Variants in RBFOX1 observed in about 807,000 individuals in gnomAD.
RBFOX1 encodes RNA binding protein fox-1 homolog 1.
In RBFOX1, 8 loss-of-function variants were observed where a neutral mutation model predicts 57.7. The observed-to-expected ratio is 0.14, with a 90% CI of 0.08 to 0.25. The LOEUF (loss-of-function observed/expected upper bound fraction) is 0.25. Among genes scored for constraint, RBFOX1 ranks in the 10% least tolerant of loss-of-function variants. The pLI is 1.00. For synonymous variants in RBFOX1, 326 were observed against 222.4 expected (o/e 1.47, Z -4.15); for missense variants, 611 against 548.5 (o/e 1.11, Z -1.14).
At chr16:7,552,103 C>G (rs2086730967) in intron 5 of RBFOX1, among the ~76,000 whole-genome samples, 1 of 152,194 alleles carries the variant, frequency 6.6e-6, no homozygotes, top group African/African-American at 2.4e-5. Context: ...ATCTCATTCT[C>G]TCCACCACCC....
In RBFOX1 at chr16:5,964,613, A is replaced by C. The variant is rs1260291498; in HGVS notation, c.351+97278A>C. Among the ~76,000 whole-genome samples, 3 of 152,110 alleles carry C rather than the reference A, an allele frequency of 2.0e-5. No homozygotes were observed. In the South Asian group the frequency reaches 6.2e-4, roughly 31 times the overall value. Reference sequence around the variant, plus strand: ...TGCATCTATATCTATGTATATATATATCTCACATATACCATATACACATAT... The same window carrying C: ...TGCATCTATATCTATGTATATATATCTCTCACATATACCATATACACATAT... On this transcript the variant is annotated intron_variant, in intron 4 of 19. Coordinates refer to the RBFOX1 transcript ENST00000641259.
intron 4 of RBFOX1, among the ~76,000 whole-genome samples, chr16:7,423,930 C>G (rs559061169): frequency 2.0e-5 from 3 of 152,272 alleles, no homozygotes; most frequent in South Asian, 2.1e-4. Context: ...GTTTTAATCC[C>G]AAGAAGTCAC....
At chr16:7,705,675 A>T (rs960442163) in intron 14 of RBFOX1, among the ~76,000 whole-genome samples, 1 of 152,202 alleles carries the variant, frequency 6.6e-6, no homozygotes, top group Non-Finnish European at 1.5e-5. Flanking sequence ...GATTAGATTT[A>T]TATTTAAGTG....
At chr16:7,624,654 T>G (rs1332940287) in intron 10 of RBFOX1, among the ~76,000 whole-genome samples, 1 of 152,218 alleles carries the variant, frequency 6.6e-6, no homozygotes, top group Non-Finnish European at 1.5e-5. Context: ...GAGGGACTAA[T>G]AAGCACTTGT....
At chr16:6,588,624 T>C (rs1404368462) in intron 2 of RBFOX1, among the ~76,000 whole-genome samples, 20 of 152,096 alleles carry the variant, frequency 1.3e-4, no homozygotes. Context: ...TGCACTCCAG[T>C]CTGGGCAACA....
chr16:5,416,376 CTATCTTTCCTTT>C (rs1324449760), intron 1 of RBFOX1, among the ~76,000 whole-genome samples: 3 of 152,170 alleles, frequency 2.0e-5, no homozygotes, highest in Non-Finnish European at 2.9e-5. Flanking sequence ...ATATACATAT[CTATCTTTCCTTT>C]TTTGACCTCA....
intron 4 of RBFOX1, among the ~76,000 whole-genome samples, chr16:7,272,539 T>C (rs1448423382): frequency 1.3e-5 from 2 of 152,216 alleles, no homozygotes; most frequent in African/African-American, 4.8e-5. Context: ...CATTCATTCA[T>C]TCATCAAATA....
Position 7,064,611 on chromosome 16 carries a change from G to C in RBFOX1, c.27+12513G>C, listed in dbSNP as rs59366087. Among the ~76,000 whole-genome samples the C allele has an allele frequency of 7.4e-3, 1,127 of 152,254 alleles. 14 individuals carry two copies. The highest frequency in any genetic ancestry group is 0.025 in the African/African-American group (1,056 of 41,560). On this transcript the variant is annotated intron_variant, in intron 4 of 15. Transcript: ENST00000550418. The stretch of plus-strand genomic sequence containing the variant: ...CAACCCCCCTGACACCTGAGTCGCA[G>C]ACTTCTGGCCTCCAGCACTGTGGGG...
chr16:5,819,878 C>T (rs1332040488), intron 3 of RBFOX1, among the ~76,000 whole-genome samples: 2 of 152,236 alleles, frequency 1.3e-5, no homozygotes. Context: ...CTCAAGTGCC[C>T]TGTCACTTTT....
chr16:6,293,335 AC>A (rs1277285764), intron 1 of RBFOX1, among the ~76,000 whole-genome samples: 1 of 152,206 alleles, frequency 6.6e-6, no homozygotes, highest in East Asian at 1.9e-4. Context: ...CTCAATACTT[AC>A]ATCTGCCATG....
At chr16:6,698,524 C>G (rs914189969) in intron 3 of RBFOX1, among the ~76,000 whole-genome samples, 4 of 152,164 alleles carry the variant, frequency 2.6e-5, no homozygotes, top group Non-Finnish European at 5.9e-5. Flanking sequence ...TTAACTCTTT[C>G]TTTTGTCTCT....
chr16:5,481,961 C>T (rs188980679), intron 2 of RBFOX1, among the ~76,000 whole-genome samples: 11 of 152,156 alleles, frequency 7.2e-5, no homozygotes, highest in Non-Finnish European at 1.5e-4. Context: ...TCACCAAATA[C>T]GGTCACATTC....
At chr16:6,465,627 TG>T in intron 2 of RBFOX1, among the ~76,000 whole-genome samples, 1 of 151,168 alleles carries the variant, frequency 6.6e-6, no homozygotes, top group Non-Finnish European at 1.5e-5. Context: ...TGTGTGTGTG[TG>T]TGTGTGTGTA....
intron 4 of RBFOX1, among the ~76,000 whole-genome samples, chr16:7,483,042 G>A (rs1336159677): frequency 2.0e-5 from 3 of 152,106 alleles, no homozygotes; most frequent in East Asian, 1.9e-4. Flanking sequence ...CTGGAACACC[G>A]TGGGAGGAGA....
intron 4 of RBFOX1, among the ~76,000 whole-genome samples, chr16:7,475,902 C>G (rs1251654145): frequency 6.6e-6 from 1 of 152,168 alleles, no homozygotes; most frequent in Non-Finnish European, 1.5e-5. Flanking sequence ...GTAAGAAGTT[C>G]ACATCATGTC....
chr16:5,895,239 A>C (rs773270877), intron 4 of RBFOX1, among the ~76,000 whole-genome samples: 1 of 152,212 alleles, frequency 6.6e-6, no homozygotes, highest in Non-Finnish European at 1.5e-5. Flanking sequence ...AGGCAGTTTC[A>C]TGGGGGATGA....
intron 3 of RBFOX1, among the ~76,000 whole-genome samples, chr16:6,665,120 G>C (rs571659946): frequency 2.9e-4 from 44 of 152,332 alleles, no homozygotes; most frequent in East Asian, 1.9e-4. Context: ...TTCACCAGAT[G>C]CTAAGGACGG....
At chr16:6,052,804 TATAATA>T (rs200513769) in intron 1 of RBFOX1, among the ~76,000 whole-genome samples, 39,854 of 144,130 alleles carry the variant, frequency 0.28, 6,643 homozygotes, top group Non-Finnish European at 0.37. Flanking sequence ...TAAAATAAAA[TATAATA>T]ATAATAATAA....
intron 14 of RBFOX1, among the ~76,000 whole-genome samples, chr16:7,700,776 C>T (rs1177725632): frequency 6.6e-6 from 1 of 152,136 alleles, no homozygotes; most frequent in Non-Finnish European, 1.5e-5. Flanking sequence ...AGAGTGGCTG[C>T]TATTCTGCTT....
Sources: allele counts gnomAD v4.1 joint callset (sites outside exome capture counted in the v4.1 genomes callset), GRCh38; gene constraint gnomAD v4.1.1; transcripts MANE v1.5; gene names NCBI Gene and HGNC (gene_info 2026-07-23, HGNC 2026-07-21).